TASOR2: variants seen among roughly 807,000 people sequenced by gnomAD.
TASOR2 encodes transcription activation suppressor family member 2, also known as protein TASOR 2.
Under a neutral mutation model 199.5 loss-of-function variants are expected in TASOR2, and 84 were observed. The ratio of observed to expected loss-of-function variants is 0.42; its 90% CI spans 0.35 to 0.50. The LOEUF is 0.50. TASOR2 is among the 20% of genes least tolerant of loss of function. The pLI, the probability that TASOR2 is intolerant of heterozygous loss-of-function variation, is 0.02. For missense variants in TASOR2, 2,796 were observed against 2,835.9 expected (o/e 0.99, Z 0.32); for synonymous variants, 1,103 against 1,046.6 (o/e 1.05, Z -1.04).
intron 10 of TASOR2, among the ~76,000 whole-genome samples, chr10:5,728,425 C>G (rs1461509042): frequency 6.6e-6 from 1 of 151,820 alleles, no homozygotes; most frequent in Admixed American, 6.6e-5. Flanking sequence ...ATCACGAGGT[C>G]AGGAGATCAA....
intron 11 of TASOR2, 30 bp downstream of exon 12, chr10:5,731,233 A>T: frequency 6.3e-7 from 1 of 1,580,474 alleles, no homozygotes; most frequent in Non-Finnish European, 8.6e-7. Flanking sequence ...GTGGGTTATT[A>T]TAATAATAGT....
chr10:5,763,669 C>T (rs1173060483), exon 21 of TASOR2: 1 of 152,140 alleles, frequency 6.6e-6, no homozygotes, highest in Admixed American at 6.5e-5. Flanking sequence ...GTAAGATACA[C>T]GGTATCTATT....
At chr10:5,694,924 A>G (rs1306159283) in intron 1 of TASOR2, among the ~76,000 whole-genome samples, 2 of 152,112 alleles carry the variant, frequency 1.3e-5, no homozygotes, top group Admixed American at 6.5e-5. Context: ...AATGAGCCCT[A>G]ATTGATCTGT....
intron 1 of TASOR2, among the ~76,000 whole-genome samples, chr10:5,704,366 T>A (rs991966915): frequency 2.0e-5 from 3 of 152,128 alleles, no homozygotes; most frequent in Non-Finnish European, 2.9e-5. Flanking sequence ...CTTAAGTAGG[T>A]TTTGATAAAT....
At chr10:5,758,154 G>T (rs983566254) in intron 17 of TASOR2, among the ~76,000 whole-genome samples, 3 of 152,088 alleles carry the variant, frequency 2.0e-5, no homozygotes, top group African/African-American at 7.2e-5. Flanking sequence ...GCACTTTTAT[G>T]TATAAAACCT....
At chr10:5,761,161 T>C in intron 18 of TASOR2, 129 bp from the exon 20 acceptor site, 5 of 716,172 alleles carry the variant, frequency 7.0e-6, no homozygotes, top group Middle Eastern at 4.0e-4. Context: ...AACCAAAGTG[T>C]GTCATGAAAA....
chr10:5,758,510 C>T (rs1209657058), intron 17 of TASOR2, among the ~76,000 whole-genome samples: 1 of 152,132 alleles, frequency 6.6e-6, no homozygotes, highest in Non-Finnish European at 1.5e-5. Context: ...CACACTCCAG[C>T]CTGGGTGACA....
chr10:5,748,220 T>C lies in TASOR2; in HGVS notation c.4799T>C (p.Ile1600Thr). The C allele has an allele frequency of 3.1e-6, 5 of 1,614,230 alleles. No individual in the cohort carries two copies. Among genetic ancestry groups the C allele is most frequent in the Non-Finnish European group, 4.2e-6 (5 of 1,180,036 alleles). ...GTTTCCACAACTGCACCAAGTGGTA[T>C]AGTGAATGTGTCAGTAAAACAGCAG... is the stretch of plus-strand genomic sequence containing the variant. Residue 1600 changes from isoleucine to threonine, a missense_variant, in exon 15 of 21, where the codon ATA becomes ACA. Coordinates refer to ENST00000328090, the Ensembl canonical transcript of TASOR2. This position sits in a 1 kb window ranked among gnomAD's most constrained non-coding sequence, Gnocchi z 5.1.
At chr10:5,709,559 A>G (rs758605848) in intron 1 of TASOR2, 3 of 1,230,912 alleles carry the variant, frequency 2.4e-6, no homozygotes, top group Admixed American at 4.2e-5. Context: ...GAACAGGACT[A>G]TGTCAAGAAT....
exon 21 of TASOR2, chr10:5,763,150 G>T: frequency 1.0e-6 from 1 of 961,994 alleles, no homozygotes; most frequent in Non-Finnish European, 1.5e-6. Flanking sequence ...AAAAACCAAT[G>T]TTCTACAACT....
At chr10:5,735,595 C>G in intron 12 of TASOR2, 49 bp downstream of exon 13, 1 of 1,579,386 alleles carries the variant, frequency 6.3e-7, no homozygotes, top group African/African-American at 1.4e-5. Flanking sequence ...ACAGATCTAA[C>G]AGAGAGTGCA....
intron 18 of TASOR2, chr10:5,760,959 A>C: frequency 5.8e-6 from 1 of 171,216 alleles, no homozygotes; most frequent in Non-Finnish European, 1.2e-5. Context: ...CCCACAAGGT[A>C]TGAGAAGTAT....
intron 1 of TASOR2, among the ~76,000 whole-genome samples, chr10:5,692,395 A>AC (rs1564244348): frequency 3.3e-5 from 5 of 151,844 alleles, no homozygotes; most frequent in Admixed American, 2.6e-4. Context: ...AGGACACTTA[A>AC]GGAAATTGGA....
In TASOR2 at chr10:5,706,199, A is replaced by G. The variant is rs908791105; in HGVS notation, c.-287-6624A>G. ...GGACTCTATTCTGTTCCATTGATCT[A>G]TATGCATTTTCTTTGTATCATTACC... On this transcript the variant is annotated intron_variant, in intron 1 of 20. Transcript: ENST00000328090. This position sits in a 1 kb window ranked among gnomAD's most constrained non-coding sequence, Gnocchi z 4.8. Among the ~76,000 whole-genome samples the G allele has an allele frequency of 2.6e-5, 4 of 152,102 alleles. No individual in the cohort carries two copies. Among genetic ancestry groups the G allele is most frequent in the Admixed American group, 6.5e-5 (1 of 15,274 alleles).
In TASOR2 at chr10:5,747,562, G is replaced by A. The variant is rs771070228; in HGVS notation, c.4141G>A (p.Ala1381Thr). 8 of 1,614,066 alleles carry A rather than the reference G, an allele frequency of 5.0e-6. 1 individual carries two copies. The highest frequency in any genetic ancestry group is 1.6e-4 in the Middle Eastern group (1 of 6,062). Residue 1381 changes from alanine to threonine, a missense_variant, in exon 15 of 21, where the codon GCA becomes ACA. This residue lies in a region of TASOR2 where 1,941 missense variants were observed against 1,924.9 expected (regional missense o/e 1.01). Transcript: ENST00000328090. The stretch of plus-strand genomic sequence containing the variant: ...TAAAGAAAATTGCACCCTTGAGATT[G>A]CAGAGGAAATTAATGTGACCTCTGA...
intron 17 of TASOR2, 113 bp downstream of exon 18, chr10:5,757,786 C>T (rs527983655): frequency 1.7e-6 from 2 of 1,144,402 alleles, no homozygotes; most frequent in South Asian, 1.4e-5. Flanking sequence ...ATATCAGTTG[C>T]CCCCTACTGA....
chr10:5,747,305 G>C (rs1421797308), exon 15 of TASOR2: 3 of 1,614,036 alleles, frequency 1.9e-6, no homozygotes, highest in Non-Finnish European at 2.5e-6. Context: ...ACAAGTCCCA[G>C]AGAAGAAATG....
At chr10:5,688,581 T>C (rs1181730493) in intron 1 of TASOR2, among the ~76,000 whole-genome samples, 1 of 152,030 alleles carries the variant, frequency 6.6e-6, no homozygotes, top group Admixed American at 6.6e-5. Context: ...ATGAATGAAC[T>C]TCTCATGCTC....
chr10:5,739,465 G>A (rs1200517238), intron 12 of TASOR2, among the ~76,000 whole-genome samples, 153 bp from the exon 14 acceptor site: 1 of 152,132 alleles, frequency 6.6e-6, no homozygotes, highest in Non-Finnish European at 1.5e-5. Context: ...CTGAGGGTTG[G>A]AAGAGACCTT....
Sources: gnomAD v4.1 joint callset for allele counts (sites outside exome capture counted in the v4.1 genomes callset) on GRCh38, gnomAD v4.1.1 for gene constraint, gnomAD v4.1.1 regional missense constraint, Gnocchi (gnomAD v3.1) non-coding constraint, MANE v1.5 for transcripts, NCBI Gene and HGNC (gene_info 2026-07-23, HGNC 2026-07-21) for gene names.